SGCZ: variants seen among roughly 807,000 people sequenced by gnomAD.
SGCZ encodes the protein sarcoglycan zeta.
SGCZ carries 40 observed loss-of-function variants against 41.3 expected under a neutral mutation model. The observed-to-expected ratio is 0.97, with a 90% CI of 0.75 to 1.26. The LOEUF is 1.26. Ranked by LOEUF, SGCZ falls within the 50% of genes most tolerant of loss-of-function variation. The probability of loss-of-function intolerance (pLI) is 0.00; values close to 1 mark genes in which losing one functional copy is unlikely to be tolerated. For missense variants in SGCZ, 552 were observed against 369.8 expected, an observed-to-expected ratio of 1.49 and a Z score of -4.04; for synonymous variants, 206 against 137.5, an observed-to-expected ratio of 1.50 and a Z score of -3.49.
chr8:14,662,081 G>C (rs10503508), intron 1 of SGCZ, among the ~76,000 whole-genome samples: 90,001 of 151,958 alleles, frequency 0.59, 29,061 homozygotes, highest in African/African-American at 0.84. Flanking sequence ...ATCTTAGAAA[G>C]CAGCTTAAGT....
At position 14,927,265 on chromosome 8, in the gene SGCZ, C is replaced by A. The variant is rs553999756; in HGVS notation, c.39+310320G>T. Among the ~76,000 whole-genome samples the A allele has an allele frequency of 6.4e-3, 977 of 151,948 alleles. 10 individuals are homozygous for A. Among genetic ancestry groups the A allele is most frequent in the African/African-American group, 0.02 (820 of 41,430 alleles). On this transcript the variant is annotated intron_variant, in intron 1 of 7. Coordinates refer to ENST00000382080, the MANE Select transcript of SGCZ (RefSeq NM_139167.4). ...CTGGGACTACAGGCGTCCGCCACCA[C>A]GCCCGCCTAATTTTTTTCTATATTT...
At chr8:15,050,525 C>T (rs1323510444) in intron 1 of SGCZ, among the ~76,000 whole-genome samples, 1 of 152,130 alleles carries the variant, frequency 6.6e-6, no homozygotes, top group Non-Finnish European at 1.5e-5. Context: ...ACATGTGACC[C>T]ATGATGTAAG....
intron 1 of SGCZ, among the ~76,000 whole-genome samples, chr8:15,155,529 G>T (rs75395847): frequency 0.011 from 1,665 of 152,226 alleles, 31 homozygotes; most frequent in African/African-American, 0.036. Context: ...TCACAAGTAA[G>T]TTGAGTAGAG....
intron 1 of SGCZ, among the ~76,000 whole-genome samples, chr8:14,774,611 A>G (rs1024441522): frequency 6.6e-6 from 1 of 152,188 alleles, no homozygotes; most frequent in African/African-American, 2.4e-5. Flanking sequence ...TGAAATGAAT[A>G]ATATGTGATT....
At chr8:14,180,121 G>C (rs1804673368) in intron 4 of SGCZ, among the ~76,000 whole-genome samples, 1 of 152,146 alleles carries the variant, frequency 6.6e-6, no homozygotes, top group African/African-American at 2.4e-5. Context: ...CAGTCTTAGA[G>C]CAACGACTAC....
At chr8:14,560,458 T>G (rs190399104) in intron 1 of SGCZ, among the ~76,000 whole-genome samples, 79 of 152,112 alleles carry the variant, frequency 5.2e-4, no homozygotes, top group African/African-American at 1.8e-3. Flanking sequence ...AGAATGTGGA[T>G]GTAGGAGGAG....
chr8:14,422,834 C>T (rs1799671365), intron 2 of SGCZ, among the ~76,000 whole-genome samples: 1 of 152,090 alleles, frequency 6.6e-6, no homozygotes, highest in African/African-American at 2.4e-5. Flanking sequence ...TGAGACCAGC[C>T]TGGGCAAAAT....
At chr8:14,176,215 G>T (rs1454857976) in intron 4 of SGCZ, among the ~76,000 whole-genome samples, 1 of 152,116 alleles carries the variant, frequency 6.6e-6, no homozygotes, top group Non-Finnish European at 1.5e-5. Flanking sequence ...CCAACAATAT[G>T]CCATAAAGTA....
intron 1 of SGCZ, among the ~76,000 whole-genome samples, chr8:14,745,228 C>A (rs1799309446): frequency 6.6e-6 from 1 of 151,542 alleles, no homozygotes; most frequent in South Asian, 2.1e-4. Flanking sequence ...TGTGTTGAAT[C>A]AGAAAACACA....
At chr8:14,871,885 T>C (rs918763109) in intron 1 of SGCZ, among the ~76,000 whole-genome samples, 3 of 149,892 alleles carry the variant, frequency 2.0e-5, no homozygotes, top group African/African-American at 7.5e-5. Flanking sequence ...TGTATATATG[T>C]ATGTATATAT....
chr8:14,811,076 A>C (rs907588463), intron 1 of SGCZ, among the ~76,000 whole-genome samples: 1 of 152,022 alleles, frequency 6.6e-6, no homozygotes, highest in Non-Finnish European at 1.5e-5. Flanking sequence ...AGCTTATATA[A>C]AAAAAGTTTT....
intron 2 of SGCZ, among the ~76,000 whole-genome samples, chr8:14,446,100 C>T (rs1211852134): frequency 6.6e-6 from 1 of 151,984 alleles, no homozygotes; most frequent in Admixed American, 6.6e-5. Flanking sequence ...TTTTTCGTAC[C>T]CAAGTAAGTC....
intron 1 of SGCZ, among the ~76,000 whole-genome samples, chr8:14,562,754 T>C (rs1804244211): frequency 6.6e-6 from 1 of 152,154 alleles, no homozygotes; most frequent in African/African-American, 2.4e-5. Context: ...TCTGGGGGTC[T>C]TGTATTGCAG....
chr8:14,531,425 C>T (rs986137245), intron 2 of SGCZ, among the ~76,000 whole-genome samples: 4 of 151,942 alleles, frequency 2.6e-5, no homozygotes, highest in African/African-American at 9.7e-5. Flanking sequence ...GAATGAAAAA[C>T]CTGTAACATT....
chr8:15,077,176 C>G (rs962607051), intron 1 of SGCZ, among the ~76,000 whole-genome samples: 12 of 152,220 alleles, frequency 7.9e-5, no homozygotes, highest in Admixed American at 7.9e-4. Context: ...TGAAGATATA[C>G]TTGACCAAAC....
intron 1 of SGCZ, among the ~76,000 whole-genome samples, chr8:14,782,051 C>G (rs1662742168): frequency 6.6e-6 from 1 of 152,082 alleles, no homozygotes; most frequent in South Asian, 2.1e-4. Flanking sequence ...ATTTGGGTGA[C>G]AAACTTGTAC....
Position 14,196,960 on chromosome 8 carries a change from C to G in SGCZ, c.425-32258G>C, listed in dbSNP as rs541771651. Among the ~76,000 whole-genome samples, 348 of 152,030 alleles carry G rather than the reference C, an allele frequency of 2.3e-3. 6 individuals are homozygous for G. Among genetic ancestry groups the G allele is most frequent in the Non-Finnish European group, 2.3e-3 (156 of 67,966 alleles). On this transcript the variant is annotated intron_variant, in intron 4 of 7. Transcript: ENST00000382080. The stretch of plus-strand genomic sequence containing the variant: ...ATGGATGACGGAAAGGCATATAGGA[C>G]AGGAAAATGACTGCAAATGGACAAT...
chr8:14,823,829 G>A (rs1802196050), intron 1 of SGCZ, among the ~76,000 whole-genome samples: 1 of 152,072 alleles, frequency 6.6e-6, no homozygotes, highest in Non-Finnish European at 1.5e-5. Context: ...ATCAAACTGA[G>A]CATGCAGTAA....
intron 7 of SGCZ, among the ~76,000 whole-genome samples, chr8:14,101,126 A>G (rs558330947): frequency 6.6e-6 from 1 of 152,076 alleles, no homozygotes; most frequent in African/African-American, 2.4e-5. Flanking sequence ...CCAGGTTTGA[A>G]AAAAAAAGAT....
Sources: gnomAD v4.1 joint callset for allele counts (sites outside exome capture counted in the v4.1 genomes callset) on GRCh38, gnomAD v4.1.1 for gene constraint, MANE v1.5 for transcripts, NCBI Gene and HGNC (gene_info 2026-07-23, HGNC 2026-07-21) for gene names.